COL24A1: variants seen among roughly 807,000 people sequenced by gnomAD.
COL24A1 encodes collagen alpha-1(XXIV) chain.
In COL24A1, 224 loss-of-function variants were observed where a neutral mutation model predicts 253.9. That is an observed-to-expected ratio of 0.88 (90% CI 0.79 to 0.99). COL24A1 has a LOEUF of 0.99. Ranked by LOEUF, COL24A1 falls within the 50% of genes least tolerant of loss-of-function variation. The pLI is 0.00. For synonymous variants in COL24A1, 685 were observed against 673.7 expected (o/e 1.02, Z -0.26); for missense variants, 2,131 against 2,068.5 (o/e 1.03, Z -0.59).
intron 5 of COL24A1, among the ~76,000 whole-genome samples, chr1:86,096,546 C>T (rs1254036794): frequency 6.6e-6 from 1 of 152,114 alleles, no homozygotes; most frequent in Admixed American, 6.5e-5. Context: ...ATATGTGGAT[C>T]CTACCACATT....
At chr1:86,012,264 C>G (rs894293445) in intron 19 of COL24A1, among the ~76,000 whole-genome samples, 2 of 152,152 alleles carry the variant, frequency 1.3e-5, no homozygotes, top group African/African-American at 4.8e-5. Context: ...AATAAGTTCT[C>G]TGCTTAGATA....
At chr1:85,828,997 T>G (rs1409725180) in intron 43 of COL24A1, among the ~76,000 whole-genome samples, 1 of 152,108 alleles carries the variant, frequency 6.6e-6, no homozygotes, top group Non-Finnish European at 1.5e-5. Flanking sequence ...GCTCGTTAGT[T>G]GATGCAGTTT....
intron 24 of COL24A1, among the ~76,000 whole-genome samples, chr1:85,915,206 C>T (rs1420308578): frequency 2.0e-5 from 3 of 152,188 alleles, no homozygotes; most frequent in Non-Finnish European, 2.9e-5. Context: ...CATCTGACTG[C>T]TTAGGCTGGG....
In COL24A1 at chr1:85,908,820, C is replaced by A. The variant is rs1571177303; in HGVS notation, c.2671-169G>T. Reference sequence around the variant, plus strand: ...CACAGGAAATATTCTGCAGATAGACCATAGAAATAAAAAAAAATTTTCTGT... The same window carrying A: ...CACAGGAAATATTCTGCAGATAGACAATAGAAATAAAAAAAAATTTTCTGT... On this transcript the variant is annotated intron_variant, in intron 26 of 59. Transcript: ENST00000370571. 2.0e-5 allele frequency among the ~76,000 whole-genome samples: 3 copies of A among 151,496 alleles called. No homozygotes were observed. The Middle Eastern group carries it at 0.01, about 515-fold the overall frequency.
rs372049643 is a variant in COL24A1, at chr1:86,124,973, G to A, written c.1363C>T (p.Pro455Ser). 6.2e-7 allele frequency: 1 copy of A among 1,613,120 alleles called. No individual in the cohort carries two copies. ...TTTTCGATGGGATAAGTAGCATCAGGATAAAATTCACCTTCTTTCCTTAGA... is the reference window on the plus strand; with the variant it reads ...TTTTCGATGGGATAAGTAGCATCAGAATAAAATTCACCTTCTTTCCTTAGA... ...LDLRKEGEFY[P>S]DATYPIENSY... The change falls in exon 3 of 60, where the codon CCT becomes TCT. Residue 455 changes from proline (P) to serine (S), a missense_variant. Physicochemically the swap from Pro to Ser is moderately conservative, Grantham distance 74. Transcript: ENST00000370571.
At chr1:86,020,128 C>T (rs965986251) in intron 18 of COL24A1, among the ~76,000 whole-genome samples, 1 of 128,380 alleles carries the variant, frequency 7.8e-6, no homozygotes, top group Non-Finnish European at 1.6e-5. Context: ...AGTCCAGTGG[C>T]GCAATCTTGA....
chr1:86,027,614 C>T (rs545487950), intron 14 of COL24A1, among the ~76,000 whole-genome samples: 1 of 152,196 alleles, frequency 6.6e-6, no homozygotes, highest in African/African-American at 2.4e-5. Context: ...TCAGGAAATG[C>T]CTGGATGTCC....
intron 57 of COL24A1, 61 bp from the exon 58 acceptor site, chr1:85,737,566 C>CT (rs111790983): frequency 0.051 from 46,039 of 900,598 alleles, 27 homozygotes; most frequent in East Asian, 0.061. Context: ...CTTATAATTT[C>CT]TTTTTTTTTT....
At chr1:85,961,051 A>T (rs898875297) in intron 24 of COL24A1, among the ~76,000 whole-genome samples, 198 bp downstream of exon 24, 8 of 152,120 alleles carry the variant, frequency 5.3e-5, no homozygotes, top group Non-Finnish European at 7.4e-5. Context: ...AATGTCATCA[A>T]TTGTGTTTTC....
At chr1:86,138,744 C>T (rs1370606468) in intron 2 of COL24A1, among the ~76,000 whole-genome samples, 1 of 152,050 alleles carries the variant, frequency 6.6e-6, no homozygotes, top group Non-Finnish European at 1.5e-5. Context: ...AGACATACCC[C>T]TTACTTATTT....
Position 86,057,926 on chromosome 1 carries a change from C to T in COL24A1, c.1851+5G>A. 2 of 1,612,206 alleles carry T rather than the reference C, an allele frequency of 1.2e-6. No homozygotes were observed. The highest frequency in any genetic ancestry group is 1.7e-6 in the Non-Finnish European group (2 of 1,179,064). ...CTTAACAGAATGATGGAAATGCCTA[C>T]TTACTTGTGCACCTTTAGGACCTGG... On this transcript the variant is annotated splice_donor_5th_base_variant and intron_variant, in intron 10 of 59. Transcript: ENST00000370571.
rs1326280897 is a variant in COL24A1 at position 85,895,892 on chromosome 1, C to T, written c.2888G>A (p.Gly963Glu). 6.2e-7 allele frequency: 1 copy of T among 1,609,214 alleles called. No individual in the cohort carries two copies. The highest frequency in any genetic ancestry group is 1.1e-5 in the South Asian group (1 of 89,810). ...RGPHGLIGKT[G>E]NPGERGFQGK... ...TTGAAATCCTCTTTCTCCAGGGTTT[C>T]CAGTCTTACCCTACATGAGAAAGAA... Residue 963 changes from glycine to glutamate, a missense_variant, in exon 31 of 60, where the codon GGA (glycine) becomes GAA (glutamate). Gly to Glu is a moderately conservative substitution (Grantham distance 98, BLOSUM62 -2). Coordinates refer to ENST00000370571, the MANE Select transcript of COL24A1 (RefSeq NM_152890.7).
At position 85,854,247 on chromosome 1, in the gene COL24A1, C is replaced by T. The variant is rs150484337; in HGVS notation, c.3301-4841G>A. Among the ~76,000 whole-genome samples, 228 of 152,202 alleles carry T rather than the reference C, an allele frequency of 1.5e-3. 1 individual carries two copies. Among genetic ancestry groups the T allele is most frequent in the East Asian group, 8.9e-3 (46 of 5,186 alleles). On this transcript the variant is annotated intron_variant, in intron 37 of 59. Coordinates refer to ENST00000370571, the MANE Select transcript of COL24A1 (RefSeq NM_152890.7). ...AACTTTCCCCATTGCTTGTTATTAT[C>T]GGCTTTGTCAAAGGTCAGATAGCTG...
At chr1:86,107,044 C>CT (rs1160346766) in intron 5 of COL24A1, among the ~76,000 whole-genome samples, 4 of 152,186 alleles carry the variant, frequency 2.6e-5, no homozygotes, top group African/African-American at 4.8e-5. Flanking sequence ...AATATAACCA[C>CT]TTTGTTACTA....
intron 37 of COL24A1, among the ~76,000 whole-genome samples, chr1:85,857,275 G>C (rs1678539230): frequency 6.6e-6 from 1 of 151,886 alleles, no homozygotes; most frequent in Admixed American, 6.6e-5. Context: ...CTCAGAAACA[G>C]CTGGGAAGTT....
At chr1:85,926,081 T>C (rs1015138075) in intron 24 of COL24A1, among the ~76,000 whole-genome samples, 12 of 152,080 alleles carry the variant, frequency 7.9e-5, no homozygotes, top group Non-Finnish European at 1.8e-4. Flanking sequence ...AAAATGCTCA[T>C]CATCACTGGC....
At position 85,830,793 on chromosome 1, in the gene COL24A1, C is replaced by A. The variant is rs184375962; in HGVS notation, c.3682-7055G>T. Among the ~76,000 whole-genome samples, 7 of 152,116 alleles carry A rather than the reference C, an allele frequency of 4.6e-5. 1 individual carries two copies. Among genetic ancestry groups the A allele is most frequent in the Non-Finnish European group, 1.0e-4 (7 of 67,998 alleles). ...GCCCTGCTTCGGCTCGCGCACAGTGCGTGCACCCACTGACCTGCGCCCACT... is the reference window on the plus strand; with the variant it reads ...GCCCTGCTTCGGCTCGCGCACAGTGAGTGCACCCACTGACCTGCGCCCACT... On this transcript the variant is annotated intron_variant, in intron 43 of 59. Transcript: ENST00000370571.
intron 11 of COL24A1, among the ~76,000 whole-genome samples, 178 bp from the exon 12 acceptor site, chr1:86,047,047 C>T (rs1699960715): frequency 6.6e-6 from 1 of 152,180 alleles, no homozygotes; most frequent in Non-Finnish European, 1.5e-5. Flanking sequence ...CAGCCCCTTT[C>T]CTTCTTCAAA....
At chr1:85,909,682 T>C (rs566353123) in intron 26 of COL24A1, among the ~76,000 whole-genome samples, 2 of 152,026 alleles carry the variant, frequency 1.3e-5, no homozygotes, top group South Asian at 4.1e-4. Flanking sequence ...CTAATTGAAT[T>C]TTCTTCTTTA....
Sources: gnomAD v4.1 joint callset for allele counts (sites outside exome capture counted in the v4.1 genomes callset) on GRCh38, gnomAD v4.1.1 for gene constraint, MANE v1.5 for transcripts, NCBI Gene and HGNC (gene_info 2026-07-23, HGNC 2026-07-21) for gene names.